The following IFRD1 variants were observed in gnomAD, a reference collection of about 807,000 sequenced individuals.
IFRD1 encodes the protein interferon related developmental regulator 1, also known as interferon-related developmental regulator 1.
IFRD1 carries 35 observed loss-of-function variants against 52.9 expected under a neutral mutation model. That is an observed-to-expected ratio of 0.66 (90% CI 0.51 to 0.88). The LOEUF (loss-of-function observed/expected upper bound fraction) is 0.88, where lower values mean the gene tolerates loss of function less well. Among genes scored for constraint, IFRD1 ranks in the 40% least tolerant of loss-of-function variants. The pLI, the probability that IFRD1 is intolerant of heterozygous loss-of-function variation, is 0.00. For missense variants in IFRD1, 517 were observed against 550.8 expected, an observed-to-expected ratio of 0.94 and a Z score of 0.61; for synonymous variants, 184 against 188.4, an observed-to-expected ratio of 0.98 and a Z score of 0.19.
chr7:112,456,057 G>A lies in IFRD1; in HGVS notation c.255G>A (p.Lys85=), dbSNP rs1485071252. The change falls in exon 3 of 12, where the codon AAG becomes AAA. Residue 85 remains lysine, a synonymous_variant. Transcript: ENST00000403825. The part of the protein sequence containing the change: ...GTQEDLEYKL[K]GLIDLTLDKS... ...AAGAAGACCTAGAGTACAAGTTGAAGGGATTAATTGACCTAACCCTGGATA... is the reference window on the plus strand; with the variant it reads ...AAGAAGACCTAGAGTACAAGTTGAAAGGATTAATTGACCTAACCCTGGATA... 4 of 1,607,164 alleles carry A rather than the reference G, an allele frequency of 2.5e-6. No individual in the cohort carries two copies. The highest frequency in any genetic ancestry group is 3.4e-6 in the Non-Finnish European group (4 of 1,173,830).
At chr7:112,465,041 A>T (rs1166405229) in intron 8 of IFRD1, among the ~76,000 whole-genome samples, 1 of 152,128 alleles carries the variant, frequency 6.6e-6, no homozygotes, top group South Asian at 2.1e-4. Context: ...ATTGAAATAA[A>T]TAAGTCTTTT....
At chr7:112,457,311 T>A in intron 4 of IFRD1, 1 of 561,450 alleles carries the variant, frequency 1.8e-6, no homozygotes, top group South Asian at 2.4e-5. Flanking sequence ...ATGGTCATTC[T>A]CTTGTTATAC....
chr7:112,452,139 A>G (rs1397883443), intron 1 of IFRD1: 1 of 969,548 alleles, frequency 1.0e-6, no homozygotes, highest in Non-Finnish European at 1.2e-6. Flanking sequence ...TGGTTGCTCT[A>G]TGTGAATTGA....
intron 5 of IFRD1, 54 bp from the exon 6 acceptor site, chr7:112,461,812 A>T: frequency 1.0e-6 from 1 of 953,600 alleles, no homozygotes; most frequent in Non-Finnish European, 1.6e-6. Context: ...GAAGATGTAG[A>T]ATTAATAAGA....
chr7:112,444,811 G>A (rs1794979008), intron 1 of IFRD1, among the ~76,000 whole-genome samples: 1 of 152,142 alleles, frequency 6.6e-6, no homozygotes, highest in Non-Finnish European at 1.5e-5. Context: ...CGGGAGGGAT[G>A]GAGGGGGAAA....
At chr7:112,429,250 G>A (rs1381794544) in intron 1 of IFRD1, among the ~76,000 whole-genome samples, 1 of 152,050 alleles carries the variant, frequency 6.6e-6, no homozygotes, top group Non-Finnish European at 1.5e-5. Context: ...GTTGTGTTTG[G>A]CATGTCTTGT....
chr7:112,452,892 G>C (rs1359377689), intron 1 of IFRD1, among the ~76,000 whole-genome samples: 1 of 152,242 alleles, frequency 6.6e-6, no homozygotes. Context: ...TTGGAAGTGT[G>C]TGCTAGAACT....
chr7:112,446,883 C>T (rs1052581221), upstream of IFRD1, among the ~76,000 whole-genome samples: 2 of 152,028 alleles, frequency 1.3e-5, no homozygotes, highest in South Asian at 4.1e-4. Flanking sequence ...GTGGTGAGCT[C>T]AGAGACCTGC....
chr7:112,442,449 A>G (rs1794914196), intron 1 of IFRD1, among the ~76,000 whole-genome samples: 1 of 152,248 alleles, frequency 6.6e-6, no homozygotes, highest in Non-Finnish European at 1.5e-5. Flanking sequence ...GACATCAATA[A>G]GGCAGGGATT....
At chr7:112,445,352 T>C (rs1456938814) in intron 1 of IFRD1, among the ~76,000 whole-genome samples, 4 of 151,988 alleles carry the variant, frequency 2.6e-5, no homozygotes, top group Non-Finnish European at 5.9e-5. Context: ...AGGTGTGAGT[T>C]ACCCCGCCCG....
chr7:112,469,005 G>A (rs1000976205), intron 9 of IFRD1, among the ~76,000 whole-genome samples: 1 of 152,226 alleles, frequency 6.6e-6, no homozygotes, highest in Admixed American at 6.5e-5. Flanking sequence ...GGAGAAAACT[G>A]AAAACTTTAA....
intron 1 of IFRD1, among the ~76,000 whole-genome samples, chr7:112,427,704 C>T (rs183968153): frequency 6.9e-4 from 105 of 152,324 alleles, no homozygotes; most frequent in Middle Eastern, 3.4e-3. Flanking sequence ...TACCCCAGAA[C>T]TATCTCTTAT....
intron 1 of IFRD1, among the ~76,000 whole-genome samples, chr7:112,426,556 A>C: frequency 6.6e-6 from 1 of 152,178 alleles, no homozygotes; most frequent in Non-Finnish European, 1.5e-5. Context: ...ATGTAAACCA[A>C]AAATACAATT....
upstream of IFRD1, among the ~76,000 whole-genome samples, chr7:112,445,718 G>A (rs539446346): frequency 1.4e-4 from 21 of 152,288 alleles, 1 homozygote; most frequent in South Asian, 3.1e-3. Context: ...AGAGAGATTG[G>A]TGACTGGATT....
In IFRD1 at chr7:112,474,356, A is replaced by G. The variant is rs1584505720; in HGVS notation, c.1267-1074A>G. 2.0e-5 allele frequency among the ~76,000 whole-genome samples: 3 copies of G among 152,338 alleles called. No individual in the cohort carries two copies. In the South Asian group the frequency reaches 6.2e-4, roughly 32 times the overall value. ...TTTTCCATAGCTGCTGCACCAGTTT[A>G]CATTCTCATCAGCAATGTAGAAAGA... is the stretch of plus-strand genomic sequence containing the variant. On this transcript the variant is annotated intron_variant, in intron 11 of 11. Transcript: ENST00000403825.
At chr7:112,440,640 G>C (rs1794858675) in intron 1 of IFRD1, among the ~76,000 whole-genome samples, 1 of 152,156 alleles carries the variant, frequency 6.6e-6, no homozygotes, top group South Asian at 2.1e-4. Flanking sequence ...TAGAGAATCT[G>C]TTCCTACTTC....
chr7:112,450,577 G>T lies in IFRD1; in HGVS notation c.-112G>T. 1 of 801,810 alleles carries T rather than the reference G, an allele frequency of 1.2e-6. No homozygotes were observed. 49.7% of individuals were successfully genotyped at this position (801,810 alleles called of 1,614,324 possible). ...CCGCCGCTTCTCGACTCTGTTGTTA[G>T]CCGAAGACTCGCCTCTCAGCCGCCC... On this transcript the variant is annotated 5_prime_UTR_variant, in exon 1 of 12. Coordinates refer to ENST00000403825, the MANE Select transcript of IFRD1 (RefSeq NM_001550.4).
intron 5 of IFRD1, chr7:112,461,203 AT>A (rs1795423948): frequency 6.6e-6 from 1 of 152,144 alleles, no homozygotes; most frequent in Non-Finnish European, 1.5e-5. Context: ...GAAGACAATT[AT>A]TTACATTTTA....
intron 9 of IFRD1, among the ~76,000 whole-genome samples, chr7:112,471,881 T>G (rs1466358570): frequency 2.6e-5 from 4 of 152,116 alleles, no homozygotes; most frequent in African/African-American, 9.7e-5. Context: ...GTTCTGCAAC[T>G]TTCTTCCCTC....
Sources: allele counts gnomAD v4.1 joint callset (sites outside exome capture counted in the v4.1 genomes callset), GRCh38; gene constraint gnomAD v4.1.1; transcripts MANE v1.5; gene names NCBI Gene and HGNC (gene_info 2026-07-23, HGNC 2026-07-21).